ARHGAP26: variants seen among roughly 807,000 people sequenced by gnomAD.
ARHGAP26 encodes rho GTPase-activating protein 26.
A neutral mutation model predicts 104.8 loss-of-function variants in ARHGAP26; 38 were observed. The ratio of observed to expected loss-of-function variants is 0.36; its 90% CI spans 0.28 to 0.48. ARHGAP26 has a LOEUF of 0.48. Among genes scored for constraint, ARHGAP26 ranks in the 20% least tolerant of loss-of-function variants. The probability of loss-of-function intolerance (pLI) is 0.99; values close to 1 mark genes in which losing one functional copy is unlikely to be tolerated. For synonymous variants in ARHGAP26, 341 were observed against 340.0 expected, an observed-to-expected ratio of 1.00 and a Z score of -0.03; for missense variants, 704 against 947.9, an observed-to-expected ratio of 0.74 and a Z score of 3.38.
chr5:143,163,432 GGTTTGTTTGTTT>G lies in ARHGAP26; in HGVS notation c.1988+16072_1988+16083del, dbSNP rs368136971. ...TGTGAGTTGGGTAGAAGGAGTTCTAGGTTTGTTTGTTTGTTTGTTTGTTTGTTTGTTTTTTTA... is the reference window on the plus strand; with the variant it reads ...TGTGAGTTGGGTAGAAGGAGTTCTAGGTTTGTTTGTTTGTTTGTTTTTTTA... On this transcript the variant is annotated intron_variant, in intron 20 of 22. Transcript: ENST00000645722. Among the ~76,000 whole-genome samples the G allele has an allele frequency of 5.2e-4, 78 of 150,718 alleles. No individual in the cohort carries two copies. In the South Asian group the frequency reaches 0.011, roughly 22 times the overall value.
intron 1 of ARHGAP26, among the ~76,000 whole-genome samples, chr5:142,803,759 G>A (rs1762477663): frequency 6.6e-6 from 1 of 152,164 alleles, no homozygotes; most frequent in African/African-American, 2.4e-5. Context: ...TTAATAGCAG[G>A]TAGGAAGCCT....
intron 17 of ARHGAP26, among the ~76,000 whole-genome samples, chr5:143,112,913 A>G (rs796211004): frequency 2.6e-5 from 4 of 152,336 alleles, no homozygotes; most frequent in African/African-American, 9.6e-5. Flanking sequence ...TAATACTACA[A>G]TAAAAATGGG....
intron 11 of ARHGAP26, chr5:142,947,129 A>C (rs909151863): frequency 7.1e-6 from 1 of 141,458 alleles, no homozygotes; most frequent in African/African-American, 2.6e-5. Context: ...AGAGAGAGAG[A>C]GAGATGGGGT....
chr5:142,784,509 G>A (rs1758149165), intron 1 of ARHGAP26, among the ~76,000 whole-genome samples: 1 of 152,114 alleles, frequency 6.6e-6, no homozygotes, highest in Non-Finnish European at 1.5e-5. Context: ...AATCCTTACT[G>A]CCCCTAAACT....
intron 17 of ARHGAP26, among the ~76,000 whole-genome samples, chr5:143,070,232 G>T (rs1355305455): frequency 6.6e-6 from 1 of 152,144 alleles, no homozygotes; most frequent in Non-Finnish European, 1.5e-5. Context: ...CTTCATAATA[G>T]AACTGCCACT....
At chr5:143,032,250 G>C (rs993611940) in intron 12 of ARHGAP26, among the ~76,000 whole-genome samples, 40 of 152,118 alleles carry the variant, frequency 2.6e-4, no homozygotes, top group African/African-American at 9.7e-4. Context: ...GGGCTGCCTC[G>C]TGTGTACACT....
intron 1 of ARHGAP26, among the ~76,000 whole-genome samples, chr5:142,806,473 ATGTG>A (rs34179083): frequency 0.12 from 17,325 of 147,178 alleles, 1,246 homozygotes; most frequent in East Asian, 0.22. Flanking sequence ...AGGCAATGAA[ATGTG>A]TGTGTGTGTG....
intron 17 of ARHGAP26, among the ~76,000 whole-genome samples, chr5:143,071,902 C>T (rs1177563019): frequency 6.6e-6 from 1 of 152,102 alleles, no homozygotes; most frequent in Non-Finnish European, 1.5e-5. Flanking sequence ...GAGACTCCAT[C>T]TCAAAAAACA....
chr5:142,779,730 T>C (rs114544610), intron 1 of ARHGAP26, among the ~76,000 whole-genome samples: 1 of 152,220 alleles, frequency 6.6e-6, no homozygotes, highest in African/African-American at 2.4e-5. Context: ...TTCAGATAGA[T>C]CTCCAAGCTG....
At chr5:143,029,339 G>A (rs184065438) in intron 12 of ARHGAP26, among the ~76,000 whole-genome samples, 4 of 148,280 alleles carry the variant, frequency 2.7e-5, no homozygotes, top group Admixed American at 6.8e-5. Flanking sequence ...ACAGCAACTC[G>A]ACAATTTCCT....
chr5:142,879,412 G>A lies in ARHGAP26; in HGVS notation c.351G>A (p.Glu117=). The A allele has an allele frequency of 1.2e-6, 2 of 1,614,036 alleles. No individual in the cohort carries two copies. Among genetic ancestry groups the A allele is most frequent in the Non-Finnish European group, 1.7e-6 (2 of 1,179,968 alleles). ...NASEVLITPL[E]KFRKEQIGAA... is the part of the protein sequence containing the mutation. ...GCGAGGTGCTCATCACTCCCTTGGAGAAGTTTCGAAAGGAACAGATCGGGG... is the reference window on the plus strand; with the variant it reads ...GCGAGGTGCTCATCACTCCCTTGGAAAAGTTTCGAAAGGAACAGATCGGGG... Residue 117 remains glutamate (E), a synonymous_variant, in exon 4 of 23, where the codon GAG becomes GAA. Coordinates refer to ENST00000645722, the MANE Select transcript of ARHGAP26 (RefSeq NM_001135608.3).
intron 1 of ARHGAP26, among the ~76,000 whole-genome samples, chr5:142,864,204 CGCT>C (rs1561974881): frequency 6.6e-6 from 1 of 152,082 alleles, no homozygotes; most frequent in Non-Finnish European, 1.5e-5. Context: ...GGCCTGTGAA[CGCT>C]GTCAGTCTCT....
chr5:142,931,969 G>C lies in ARHGAP26; in HGVS notation c.1029-78G>C, dbSNP rs887313414. On this transcript the variant is annotated intron_variant, in intron 10 of 22. Coordinates refer to ENST00000645722, the MANE Select transcript of ARHGAP26 (RefSeq NM_001135608.3). ...TTAGCAGCCACTGACTCTTTTGAGTGGATGTTTAAGATTTGCCTTCACCAA... is the reference window on the plus strand; with the variant it reads ...TTAGCAGCCACTGACTCTTTTGAGTCGATGTTTAAGATTTGCCTTCACCAA... The C allele has an allele frequency of 1.1e-5, 15 of 1,331,976 alleles. No homozygotes were observed. In the African/African-American group the frequency reaches 2.2e-4, roughly 19 times the overall value. 82.5% of individuals were successfully genotyped at this position (1,331,976 alleles called of 1,614,324 possible).
rs1023075413 is a variant in ARHGAP26 at position 142,771,159 on chromosome 5, G to T, written c.154+244G>T. The T allele has an allele frequency of 2.7e-5, 35 of 1,292,040 alleles. No homozygotes were observed. The South Asian group carries it at 6.6e-4, about 24-fold the overall frequency. The allele number at this position is 1,292,040 out of a possible 1,614,324, so 80.0% of individuals were successfully genotyped here. On this transcript the variant is annotated intron_variant, in intron 1 of 22. Transcript: ENST00000645722. ...ATGGTCGGGAGGTGACCCAGCGCGG[G>T]TGGTGCTCTGGGGCAGCGCGGGTGG...
At position 143,027,693 on chromosome 5, in the gene ARHGAP26, G is replaced by A. The variant is rs185596950; in HGVS notation, c.1145-9503G>A. Reference sequence around the variant, plus strand: ...TGGAATCATCCCATATGCCAAAGTGGAACAATCCAGCATTCCATATTAAGA... The same window carrying A: ...TGGAATCATCCCATATGCCAAAGTGAAACAATCCAGCATTCCATATTAAGA... On this transcript the variant is annotated intron_variant, in intron 12 of 22. Transcript: ENST00000645722. 2.0e-5 allele frequency among the ~76,000 whole-genome samples: 3 copies of A among 152,232 alleles called. No individual in the cohort carries two copies. In the East Asian group the frequency reaches 5.8e-4, roughly 29 times the overall value.
chr5:142,994,456 C>T (rs1056073691), intron 11 of ARHGAP26, among the ~76,000 whole-genome samples: 2 of 152,186 alleles, frequency 1.3e-5, no homozygotes, highest in East Asian at 1.9e-4. Context: ...GGTGACGCAA[C>T]CATAAAGGAT....
intron 6 of ARHGAP26, among the ~76,000 whole-genome samples, chr5:142,900,610 GA>G (rs1232872836): frequency 7.9e-5 from 12 of 150,956 alleles, no homozygotes; most frequent in Admixed American, 6.6e-4. Flanking sequence ...AGAGTAGGGG[GA>G]GGGGGGGCGG....
At position 142,843,622 on chromosome 5, in the gene ARHGAP26, ACTTC is replaced by A. The variant is rs1363621548; in HGVS notation, c.155-29774_155-29771del. On this transcript the variant is annotated intron_variant, in intron 1 of 22. Transcript: ENST00000645722. Reference sequence around the variant, plus strand: ...GCTGAGGGTTTTATGGTACCACTACACTTCCTTATGGCGTGTTTTTTTTTGATGA... The same window carrying A: ...GCTGAGGGTTTTATGGTACCACTACACTTATGGCGTGTTTTTTTTTGATGA... Among the ~76,000 whole-genome samples, 9 of 152,172 alleles carry A rather than the reference ACTTC, an allele frequency of 5.9e-5. No individual in the cohort carries two copies. In the East Asian group the frequency reaches 1.7e-3, roughly 29 times the overall value.
At chr5:142,999,443 G>A (rs1052851453) in intron 11 of ARHGAP26, among the ~76,000 whole-genome samples, 1 of 151,990 alleles carries the variant, frequency 6.6e-6, no homozygotes, top group Non-Finnish European at 1.5e-5. Context: ...CTGTTTTGGG[G>A]GAAGGAGAAA....
Sources: gnomAD v4.1 joint callset for allele counts (sites outside exome capture counted in the v4.1 genomes callset) on GRCh38, gnomAD v4.1.1 for gene constraint, MANE v1.5 for transcripts, NCBI Gene and HGNC (gene_info 2026-07-23, HGNC 2026-07-21) for gene names.